The following TENM2 variants were observed in gnomAD, a reference collection of about 807,000 sequenced individuals.
TENM2 encodes the protein teneurin transmembrane protein 2.
TENM2 carries 52 observed loss-of-function variants against 245.2 expected under a neutral mutation model. The observed-to-expected ratio is 0.21, with a 90% confidence interval of 0.17 to 0.27. The LOEUF (loss-of-function observed/expected upper bound fraction) is 0.27. Among genes scored for constraint, TENM2 ranks in the 10% least tolerant of loss-of-function variants. The probability of loss-of-function intolerance (pLI) is 1.00; values close to 1 mark genes in which losing one functional copy is unlikely to be tolerated. For synonymous variants in TENM2, 1,363 were observed against 1,438.9 expected (o/e 0.95, Z 1.19); for missense variants, 3,046 against 3,666.8 (o/e 0.83, Z 4.37).
intron 12 of TENM2, among the ~76,000 whole-genome samples, chr5:168,158,387 A>G (rs768270357): frequency 6.6e-6 from 1 of 152,120 alleles, no homozygotes; most frequent in Non-Finnish European, 1.5e-5. Flanking sequence ...CAGAAAAGAT[A>G]TAGTACGCCC....
At chr5:167,230,206 TGTTA>T in the TENM2 span, among the ~76,000 whole-genome samples, 1 of 152,104 alleles carries the variant, frequency 6.6e-6, no homozygotes, top group Non-Finnish European at 1.5e-5. Context: ...GAATTCCCTA[TGTTA>T]GTCTCAGGGC....
At chr5:167,141,041 C>T in the TENM2 span, among the ~76,000 whole-genome samples, 711 of 152,228 alleles carry the variant, frequency 4.7e-3, 6 homozygotes, top group African/African-American at 0.016. Context: ...CCTTCTGCCC[C>T]TGTCAGTTTC....
At chr5:167,200,717 G>A in the TENM2 span, among the ~76,000 whole-genome samples, 1 of 152,128 alleles carries the variant, frequency 6.6e-6, no homozygotes, top group Admixed American at 6.5e-5. Flanking sequence ...CAATCCAAGT[G>A]TGGCAGCGGC....
At chr5:167,321,068 C>T (rs2127770498) in intron 1 of TENM2, among the ~76,000 whole-genome samples, 1 of 152,232 alleles carries the variant, frequency 6.6e-6, no homozygotes, top group Non-Finnish European at 1.5e-5. Context: ...GAAATAAATT[C>T]TCCATTTTCA....
chr5:167,350,885 TG>T (rs1452527662), intron 1 of TENM2, among the ~76,000 whole-genome samples: 2 of 88,284 alleles, frequency 2.3e-5, no homozygotes, highest in African/African-American at 3.7e-5. Flanking sequence ...TATATATATA[TG>T]GGATGTATAC....
At chr5:167,368,763 C>T (rs1274804816) in intron 1 of TENM2, among the ~76,000 whole-genome samples, 2 of 152,028 alleles carry the variant, frequency 1.3e-5, no homozygotes, top group East Asian at 1.9e-4. Flanking sequence ...TGCTTCGTCG[C>T]GGCAGGGCAG....
intron 5 of TENM2, among the ~76,000 whole-genome samples, chr5:168,036,741 G>A (rs1352183692): frequency 6.9e-6 from 1 of 144,330 alleles, no homozygotes; most frequent in Non-Finnish European, 1.5e-5. Flanking sequence ...ATACGTATGT[G>A]TATATATATA....
At chr5:168,104,408 G>A (rs1410237351) in intron 9 of TENM2, among the ~76,000 whole-genome samples, 3 of 152,300 alleles carry the variant, frequency 2.0e-5, no homozygotes, top group African/African-American at 7.2e-5. Context: ...ATTCACCTTT[G>A]TTCCTTCACT....
At chr5:167,436,558 G>A (rs1389378169) in intron 2 of TENM2, among the ~76,000 whole-genome samples, 1 of 152,200 alleles carries the variant, frequency 6.6e-6, no homozygotes, top group African/African-American at 2.4e-5. Context: ...ATTTGTATAA[G>A]TAACGAGGAG....
At chr5:167,840,026 A>T (rs550909508) in intron 2 of TENM2, among the ~76,000 whole-genome samples, 1 of 152,286 alleles carries the variant, frequency 6.6e-6, no homozygotes, top group South Asian at 2.1e-4. Flanking sequence ...TCACCGTGTT[A>T]GCCAGGCTGG....
At chr5:167,039,416 T>C in the TENM2 span, among the ~76,000 whole-genome samples, 2 of 152,182 alleles carry the variant, frequency 1.3e-5, no homozygotes, top group African/African-American at 4.8e-5. Flanking sequence ...GAAGGCGCAC[T>C]GGCCAGGAAA....
the TENM2 span, among the ~76,000 whole-genome samples, chr5:167,037,692 C>T: frequency 2.0e-5 from 3 of 152,202 alleles, no homozygotes; most frequent in East Asian, 5.8e-4. Flanking sequence ...CACTTACCTC[C>T]TTCCTATAAC....
rs541124682 is a variant in TENM2 at position 167,610,246 on chromosome 5, C to T, written c.502+234773C>T. ...TCATGCCTTCCCCAGAAGCACCACCCTCCAGGAACCCCCGTGTGTACATCT... is the reference window on the plus strand; with the variant it reads ...TCATGCCTTCCCCAGAAGCACCACCTTCCAGGAACCCCCGTGTGTACATCT... On this transcript the variant is annotated intron_variant, in intron 2 of 28. Coordinates refer to ENST00000518659, the Ensembl canonical transcript of TENM2. Among the ~76,000 whole-genome samples, 5 of 152,228 alleles carry T rather than the reference C, an allele frequency of 3.3e-5. 1 individual carries two copies. The South Asian group carries it at 1.0e-3, about 32-fold the overall frequency.
chr5:168,021,144 C>A (rs1786107724), intron 5 of TENM2, among the ~76,000 whole-genome samples: 1 of 152,134 alleles, frequency 6.6e-6, no homozygotes, highest in Non-Finnish European at 1.5e-5. Context: ...TTGTGCATGA[C>A]CTTGACCAAA....
In TENM2 at chr5:168,247,503, G is replaced by A; in HGVS notation, c.6564G>A (p.Arg2188=). 6.2e-7 allele frequency: 1 copy of A among 1,612,614 alleles called. No individual in the cohort carries two copies. The highest frequency in any genetic ancestry group is 1.1e-5 in the South Asian group (1 of 90,964). Residue 2188 remains arginine (R), a synonymous_variant, in exon 27 of 29, where the codon AGG becomes AGA. Coordinates refer to ENST00000518659, the Ensembl canonical transcript of TENM2. This position sits in a 1 kb window ranked among gnomAD's most constrained non-coding sequence, Gnocchi z 7.8. ...ACAGCATGGGCAGGGTGATCAAGAG[G>A]GAGCTAAAACTGGGGCCCTATGCCA... is the stretch of plus-strand genomic sequence containing the variant.
chr5:167,988,754 C>T (rs1034117396), intron 4 of TENM2, among the ~76,000 whole-genome samples: 2 of 152,130 alleles, frequency 1.3e-5, no homozygotes, highest in African/African-American at 2.4e-5. Flanking sequence ...ATTTTATTCT[C>T]AATATTATTA....
the TENM2 span, among the ~76,000 whole-genome samples, chr5:167,166,653 C>T: frequency 1.3e-5 from 2 of 151,840 alleles, no homozygotes; most frequent in Admixed American, 6.6e-5. Flanking sequence ...CCCTTTTAGC[C>T]AAAATCTAGT....
At chr5:167,635,018 C>T (rs1337986168) in intron 2 of TENM2, among the ~76,000 whole-genome samples, 2 of 152,104 alleles carry the variant, frequency 1.3e-5, no homozygotes, top group African/African-American at 4.8e-5. Flanking sequence ...CAACTGGGTA[C>T]CCCTACAGGC....
chr5:167,830,060 A>G (rs897001651), intron 2 of TENM2, among the ~76,000 whole-genome samples: 7 of 152,218 alleles, frequency 4.6e-5, no homozygotes, highest in African/African-American at 1.7e-4. Context: ...GTGACTTCAC[A>G]TCCTTAATCC....
Sources: allele counts gnomAD v4.1 joint callset (sites outside exome capture counted in the v4.1 genomes callset), GRCh38; gene constraint gnomAD v4.1.1; non-coding constraint Gnocchi (gnomAD v3.1); transcripts MANE v1.5; gene names NCBI Gene and HGNC (gene_info 2026-07-23, HGNC 2026-07-21).